SRPK2: variants seen among roughly 807,000 people sequenced by gnomAD.
SRPK2 encodes SFRS protein kinase 2.
A neutral mutation model predicts 90.8 loss-of-function variants in SRPK2; 21 were observed. The observed-to-expected ratio is 0.23, with a 90% CI of 0.16 to 0.33. SRPK2 has a LOEUF of 0.33. SRPK2 is among the 10% of genes least tolerant of loss of function. The pLI, the probability that SRPK2 is intolerant of heterozygous loss-of-function variation, is 1.00. For synonymous variants in SRPK2, 288 were observed against 311.1 expected, an observed-to-expected ratio of 0.93 and a Z score of 0.78; for missense variants, 620 against 869.0, an observed-to-expected ratio of 0.71 and a Z score of 3.60.
intron 2 of SRPK2, among the ~76,000 whole-genome samples, chr7:105,364,395 C>T (rs530524982): frequency 3.0e-5 from 4 of 135,264 alleles, no homozygotes; most frequent in African/African-American, 1.1e-4. Context: ...CATAGCATAC[C>T]GTGTGTAACG....
intron 2 of SRPK2, among the ~76,000 whole-genome samples, chr7:105,383,484 G>T (rs1453721148): frequency 6.6e-6 from 1 of 151,262 alleles, no homozygotes; most frequent in African/African-American, 2.4e-5. Flanking sequence ...GCAGCGGCAT[G>T]ATCTCGGCTC....
intron 2 of SRPK2, among the ~76,000 whole-genome samples, chr7:105,349,365 A>C (rs1211282668): frequency 6.6e-6 from 1 of 151,964 alleles, no homozygotes; most frequent in Non-Finnish European, 1.5e-5. Flanking sequence ...TCTACTAAAA[A>C]TACAAAATTA....
At chr7:105,222,669 T>C (rs952288178) in intron 2 of SRPK2, among the ~76,000 whole-genome samples, 1 of 152,220 alleles carries the variant, frequency 6.6e-6, no homozygotes, top group East Asian at 1.9e-4. Flanking sequence ...GAAAGATCAA[T>C]CTGGTATAAA....
At chr7:105,177,018 T>C (rs1290604705) in intron 3 of SRPK2, among the ~76,000 whole-genome samples, 2 of 152,182 alleles carry the variant, frequency 1.3e-5, no homozygotes, top group Non-Finnish European at 2.9e-5. Context: ...TTCTTATCAC[T>C]GTAGATATTC....
intron 2 of SRPK2, among the ~76,000 whole-genome samples, chr7:105,359,254 G>A (rs1164746684): frequency 1.3e-5 from 2 of 149,594 alleles, no homozygotes; most frequent in Non-Finnish European, 3.0e-5. Context: ...TGCCTCCCGG[G>A]TTCAAGCAAT....
At chr7:105,231,641 T>C (rs1039842847) in intron 2 of SRPK2, among the ~76,000 whole-genome samples, 2 of 152,244 alleles carry the variant, frequency 1.3e-5, no homozygotes, top group Non-Finnish European at 2.9e-5. Context: ...CACTGTGGTT[T>C]TGATTTACAT....
intron 3 of SRPK2, among the ~76,000 whole-genome samples, chr7:105,187,838 C>T (rs1262415142): frequency 2.0e-5 from 3 of 152,088 alleles, no homozygotes; most frequent in African/African-American, 7.2e-5. Flanking sequence ...ATAGGTAAAA[C>T]TCATTCATTA....
chr7:105,302,708 T>C (rs1301220578), intron 2 of SRPK2, among the ~76,000 whole-genome samples: 3 of 152,130 alleles, frequency 2.0e-5, no homozygotes, highest in Admixed American at 1.3e-4. Flanking sequence ...AGATGTGTGA[T>C]CATGAGTGCT....
chr7:105,214,591 G>C (rs1039571111), intron 2 of SRPK2, among the ~76,000 whole-genome samples: 1 of 152,084 alleles, frequency 6.6e-6, no homozygotes, highest in Non-Finnish European at 1.5e-5. Flanking sequence ...TCTCAAAAAG[G>C]ATGAGGCAGA....
intron 2 of SRPK2, among the ~76,000 whole-genome samples, chr7:105,285,550 C>T (rs1361946371): frequency 6.6e-6 from 1 of 152,106 alleles, no homozygotes; most frequent in Non-Finnish European, 1.5e-5. Flanking sequence ...GAAATGTAAT[C>T]CCCAGTTTTG....
chr7:105,288,877 C>A (rs1194034297), intron 2 of SRPK2, among the ~76,000 whole-genome samples: 1 of 152,042 alleles, frequency 6.6e-6, no homozygotes, highest in Non-Finnish European at 1.5e-5. Context: ...CTGCTGCGTA[C>A]CACAAAAGGG....
intron 2 of SRPK2, chr7:105,297,500 A>G: frequency 1.0e-6 from 1 of 985,374 alleles, no homozygotes. Context: ...AGATGTATCA[A>G]CATCCTACAG....
chr7:105,258,185 G>A (rs989218252), intron 2 of SRPK2, among the ~76,000 whole-genome samples: 9 of 151,742 alleles, frequency 5.9e-5, no homozygotes, highest in African/African-American at 1.7e-4. Flanking sequence ...TCGGGAGGCC[G>A]AGGCAGGCGG....
At chr7:105,298,786 C>T in intron 2 of SRPK2, 6 of 985,554 alleles carry the variant, frequency 6.1e-6, no homozygotes, top group Non-Finnish European at 7.2e-6. Flanking sequence ...CAACAGAGCC[C>T]ACCTCCCGCT....
intron 2 of SRPK2, among the ~76,000 whole-genome samples, chr7:105,328,039 G>A (rs927578889): frequency 7.2e-5 from 11 of 152,184 alleles, no homozygotes; most frequent in Non-Finnish European, 1.6e-4. Flanking sequence ...GCCTCCCAAA[G>A]TGCTGGGATT....
chr7:105,391,558 C>G (rs527838137), upstream of SRPK2, among the ~76,000 whole-genome samples: 4 of 152,216 alleles, frequency 2.6e-5, no homozygotes, highest in South Asian at 6.2e-4. Flanking sequence ...CAAGTGTAAT[C>G]TCAGCATTTT....
At chr7:105,383,052 AATTTTTTT>A (rs1257256038) in intron 2 of SRPK2, among the ~76,000 whole-genome samples, 2,099 of 105,272 alleles carry the variant, frequency 0.02, 131 homozygotes, top group Middle Eastern at 0.062. Context: ...CAAAAGTAAA[AATTTTTTT>A]TTTTTTTTTT....
At chr7:105,253,151 G>A (rs1802720821) in intron 2 of SRPK2, among the ~76,000 whole-genome samples, 1 of 152,164 alleles carries the variant, frequency 6.6e-6, no homozygotes, top group Non-Finnish European at 1.5e-5. Context: ...TTAGAAAGAA[G>A]CACCTCTAAC....
chr7:105,383,473 T>G (rs1585999317), intron 2 of SRPK2, among the ~76,000 whole-genome samples: 1 of 151,250 alleles, frequency 6.6e-6, no homozygotes, highest in Non-Finnish European at 1.5e-5. Context: ...CAGGCTGGAG[T>G]GCAGCGGCAT....
Sources: allele counts gnomAD v4.1 joint callset (sites outside exome capture counted in the v4.1 genomes callset), GRCh38; gene constraint gnomAD v4.1.1; transcripts MANE v1.5; gene names NCBI Gene and HGNC (gene_info 2026-07-23, HGNC 2026-07-21).